AFF1: variants seen among roughly 807,000 people sequenced by gnomAD.
AFF1 encodes the protein AF4/FMR2 family member 1.
In AFF1, 48 loss-of-function variants were observed where a neutral mutation model predicts 121.7. The ratio of observed to expected loss-of-function variants is 0.39; its 90% CI spans 0.31 to 0.50. AFF1 has a LOEUF of 0.50. AFF1 is among the 20% of genes least tolerant of loss of function. The pLI is 0.76. For missense variants in AFF1, 1,523 were observed against 1,511.7 expected (o/e 1.01, Z -0.12); for synonymous variants, 613 against 563.0 (o/e 1.09, Z -1.26).
chr4:86,961,516 A>C (rs182982749), intron 2 of AFF1, among the ~76,000 whole-genome samples: 105 of 151,996 alleles, frequency 6.9e-4, no homozygotes, highest in African/African-American at 2.5e-3. Context: ...GTAGTCAGAG[A>C]AACGTGCATC....
At chr4:87,114,293 T>C (rs765327860) in intron 11 of AFF1, 74 bp from the exon 12 acceptor site, 245 of 1,345,950 alleles carry the variant, frequency 1.8e-4, no homozygotes, top group Non-Finnish European at 2.3e-4. Flanking sequence ...TGTTGTATAA[T>C]TGGGTGACTA....
chr4:86,985,214 T>TATA (rs1277485096), intron 2 of AFF1, among the ~76,000 whole-genome samples: 2 of 104,560 alleles, frequency 1.9e-5, no homozygotes, highest in Non-Finnish European at 4.2e-5. Flanking sequence ...TATATATATA[T>TATA]AAAATTATAT....
chr4:87,080,861 A>G (rs1281962307), intron 4 of AFF1, among the ~76,000 whole-genome samples: 1 of 152,200 alleles, frequency 6.6e-6, no homozygotes, highest in African/African-American at 2.4e-5. Context: ...TGGCGAGAAG[A>G]GTGAAGATGT....
At chr4:86,986,332 G>T (rs551951481) in intron 2 of AFF1, among the ~76,000 whole-genome samples, 1 of 152,128 alleles carries the variant, frequency 6.6e-6, no homozygotes, top group Admixed American at 6.5e-5. Flanking sequence ...TTGGCCTCCC[G>T]TAGTGCTGTG....
chr4:86,945,319 CTTTTTTT>C (rs72025655), intron 1 of AFF1, among the ~76,000 whole-genome samples: 9 of 111,692 alleles, frequency 8.1e-5, no homozygotes, highest in Non-Finnish European at 1.0e-4. Context: ...TTTTCTTTTC[CTTTTTTT>C]TTTTTTTTTT....
chr4:86,993,775 C>A (rs1217803731), intron 2 of AFF1, among the ~76,000 whole-genome samples: 2 of 151,842 alleles, frequency 1.3e-5, no homozygotes, highest in East Asian at 3.9e-4. Context: ...CCAGCCTGGC[C>A]AACATAGTGA....
chr4:87,113,978 C>G (rs1399618822), intron 11 of AFF1, among the ~76,000 whole-genome samples: 1 of 152,212 alleles, frequency 6.6e-6, no homozygotes. Context: ...TAGCTGCCTT[C>G]TGCAAATACT....
At chr4:87,019,936 A>G (rs1051868552) in intron 2 of AFF1, among the ~76,000 whole-genome samples, 1 of 151,776 alleles carries the variant, frequency 6.6e-6, no homozygotes, top group Non-Finnish European at 1.5e-5. Flanking sequence ...ATCTGACTCC[A>G]TCTCCAGGTA....
intron 11 of AFF1, 99 bp from the exon 12 acceptor site, chr4:87,114,268 T>A (rs1470350988): frequency 1.9e-6 from 2 of 1,063,404 alleles, no homozygotes; most frequent in Non-Finnish European, 1.3e-6. Context: ...AAGTATTTGC[T>A]CCTCTGCAGG....
intron 7 of AFF1, among the ~76,000 whole-genome samples, chr4:87,093,386 G>C (rs1294764040): frequency 6.6e-6 from 1 of 152,216 alleles, no homozygotes; most frequent in Non-Finnish European, 1.5e-5. Context: ...GTGGGGTATG[G>C]ATGGATATAG....
intron 8 of AFF1, among the ~76,000 whole-genome samples, chr4:87,095,778 G>T (rs1724770278): frequency 6.6e-6 from 1 of 151,096 alleles, no homozygotes; most frequent in African/African-American, 2.4e-5. Context: ...GACCCAATTT[G>T]TCATTTCTTG....
At chr4:87,127,855 C>A in intron 16 of AFF1, 152 bp downstream of exon 16, 1 of 727,270 alleles carries the variant, frequency 1.4e-6, no homozygotes, top group Non-Finnish European at 2.3e-6. Flanking sequence ...AGTGTATGGG[C>A]CCTACCATTG....
intron 2 of AFF1, among the ~76,000 whole-genome samples, chr4:86,954,102 C>T (rs1476888107): frequency 6.6e-6 from 1 of 152,188 alleles, no homozygotes; most frequent in Non-Finnish European, 1.5e-5. Context: ...GCTACTACCT[C>T]CCTTAAAAGT....
intron 2 of AFF1, among the ~76,000 whole-genome samples, chr4:86,961,494 A>T (rs1351186385): frequency 6.6e-6 from 1 of 152,012 alleles, no homozygotes; most frequent in Non-Finnish European, 1.5e-5. Context: ...AGATAGTTTC[A>T]GCATGGCTAC....
intron 2 of AFF1, among the ~76,000 whole-genome samples, chr4:87,015,779 C>T (rs1486108802): frequency 1.3e-5 from 2 of 152,214 alleles, no homozygotes; most frequent in Non-Finnish European, 2.9e-5. Context: ...AAATTCTTGA[C>T]AGTTTATGAT....
intron 2 of AFF1, among the ~76,000 whole-genome samples, chr4:86,966,915 A>T (rs1202899710): frequency 6.6e-6 from 1 of 152,142 alleles, no homozygotes; most frequent in Admixed American, 6.5e-5. Context: ...CAAGCCCTTT[A>T]TCCCCTGGGC....
At chr4:87,064,393 G>T (rs1253705150) in intron 4 of AFF1, among the ~76,000 whole-genome samples, 1 of 152,180 alleles carries the variant, frequency 6.6e-6, no homozygotes, top group Non-Finnish European at 1.5e-5. Context: ...AATGTCCCAA[G>T]ATATTCATTC....
At chr4:87,022,542 A>C (rs1234111327) in intron 2 of AFF1, among the ~76,000 whole-genome samples, 2 of 85,812 alleles carry the variant, frequency 2.3e-5, no homozygotes, top group African/African-American at 8.7e-5. Context: ...CCGTGCTTAC[A>C]GATATATATA....
intron 4 of AFF1, 145 bp downstream of exon 4, chr4:87,047,739 T>G (rs755645786): frequency 9.4e-7 from 1 of 1,065,506 alleles, no homozygotes; most frequent in South Asian, 1.3e-5. Context: ...ATCTTGTTAA[T>G]AACCCGCGAA....
Sources: allele counts gnomAD v4.1 joint callset (sites outside exome capture counted in the v4.1 genomes callset), GRCh38; gene constraint gnomAD v4.1.1; transcripts MANE v1.5; gene names NCBI Gene and HGNC (gene_info 2026-07-23, HGNC 2026-07-21).